The following GLIPR2 variants were observed in gnomAD, a reference collection of about 807,000 sequenced individuals.
GLIPR2 encodes Golgi-associated plant pathogenesis-related protein 1.
Under a neutral mutation model 20.4 loss-of-function variants are expected in GLIPR2, and 21 were observed. That is an observed-to-expected ratio of 1.03 (90% CI 0.73 to 1.48). The LOEUF (loss-of-function observed/expected upper bound fraction) is 1.48, where lower values mean the gene tolerates loss of function less well. Among genes scored for constraint, GLIPR2 ranks in the 40% most tolerant of loss-of-function variants. The pLI is 0.00. For missense variants in GLIPR2, 205 were observed against 200.1 expected (o/e 1.02, Z -0.15); for synonymous variants, 91 against 80.5 (o/e 1.13, Z -0.70).
At position 36,162,346 on chromosome 9, in the gene GLIPR2, G is replaced by A. The variant is rs768256904; in HGVS notation, c.305-16G>A. 6.2e-7 allele frequency: 1 copy of A among 1,605,458 alleles called. No individual in the cohort carries two copies. The highest frequency in any genetic ancestry group is 8.5e-7 in the Non-Finnish European group (1 of 1,174,772). Reference sequence around the variant, plus strand: ...AATTCAGCCGTGTCCCTCTCCCTCTGCCCGTTCCCCTACAGGACACTTCAC... The same window carrying A: ...AATTCAGCCGTGTCCCTCTCCCTCTACCCGTTCCCCTACAGGACACTTCAC... On this transcript the variant is annotated splice_polypyrimidine_tract_variant and intron_variant, in intron 4 of 4. Transcript: ENST00000377960.
At chr9:36,161,768 G>A (rs771453232) in intron 4 of GLIPR2, among the ~76,000 whole-genome samples, 1 of 152,224 alleles carries the variant, frequency 6.6e-6, no homozygotes, top group Non-Finnish European at 1.5e-5. Flanking sequence ...GACACAGGCA[G>A]TAGGCAGTAG....
intron 1 of GLIPR2, among the ~76,000 whole-genome samples, chr9:36,137,091 T>G (rs192065684): frequency 2.6e-5 from 4 of 152,294 alleles, no homozygotes; most frequent in Admixed American, 2.0e-4. Context: ...GAGGCCAGAC[T>G]TAGAGTTGGA....
At chr9:36,142,600 T>C (rs1413582089) in intron 1 of GLIPR2, among the ~76,000 whole-genome samples, 1 of 152,096 alleles carries the variant, frequency 6.6e-6, no homozygotes, top group African/African-American at 2.4e-5. Context: ...CCAGCCTCAG[T>C]TTACCCTCCT....
At chr9:36,137,434 C>A (rs1587121459) in intron 1 of GLIPR2, among the ~76,000 whole-genome samples, 1 of 152,174 alleles carries the variant, frequency 6.6e-6, no homozygotes, top group Non-Finnish European at 1.5e-5. Flanking sequence ...CTAGCCCTTA[C>A]CTCCGCCCTA....
At chr9:36,148,718 C>A (rs760097496) in intron 3 of GLIPR2, 68 bp downstream of exon 3, 5 of 1,044,330 alleles carry the variant, frequency 4.8e-6, no homozygotes, top group Non-Finnish European at 7.3e-6. Context: ...TCCTGAAATG[C>A]CTCCTGGCCC....
chr9:36,141,680 G>A (rs1254280388), intron 1 of GLIPR2, among the ~76,000 whole-genome samples: 2 of 152,100 alleles, frequency 1.3e-5, no homozygotes, highest in Non-Finnish European at 2.9e-5. Context: ...TTGAGTCAAG[G>A]TCTTGCTCTG....
chr9:36,141,431 C>A (rs1244321840), intron 1 of GLIPR2, among the ~76,000 whole-genome samples: 1 of 145,336 alleles, frequency 6.9e-6, no homozygotes, highest in Non-Finnish European at 1.5e-5. Flanking sequence ...AAGGCAGAAC[C>A]GGGCTGCTTT....
Position 36,151,095 on chromosome 9 carries a change from C to G in GLIPR2, c.304+146C>G. 5 of 656,626 alleles carry G rather than the reference C, an allele frequency of 7.6e-6. No individual in the cohort carries two copies. In the South Asian group the frequency reaches 8.4e-5, roughly 11 times the overall value. 40.7% of individuals were successfully genotyped at this position (656,626 alleles called of 1,614,324 possible). Reference sequence around the variant, plus strand: ...CCATATTTCTCTGGCTTGACCTTGACCACAGACCAAAGCTCTCCTTTCCGC... The same window carrying G: ...CCATATTTCTCTGGCTTGACCTTGAGCACAGACCAAAGCTCTCCTTTCCGC... On this transcript the variant is annotated intron_variant, in intron 4 of 4. Coordinates refer to ENST00000377960, the MANE Select transcript of GLIPR2 (RefSeq NM_022343.4).
chr9:36,136,825 T>C lies in GLIPR2; in HGVS notation c.13+34T>C. 1 of 1,279,756 alleles carries C rather than the reference T, an allele frequency of 7.8e-7. No individual in the cohort carries two copies. The highest frequency in any genetic ancestry group is 9.9e-7 in the Non-Finnish European group (1 of 1,014,058). The allele number at this position is 1,279,756 out of a possible 1,614,324, so 79.3% of individuals were successfully genotyped here. A position where few individuals can be genotyped will look rare whatever the true frequency, so the allele number is the denominator to read the frequency against. ...GCGGGCTCGCCCGCTGCGGAATGGT[T>C]CGGAACCCCGCGCTCCCGGACCTCG... On this transcript the variant is annotated intron_variant, in intron 1 of 4. Transcript: ENST00000377960. The surrounding 1 kb of genome is among the most constrained non-coding windows in gnomAD (Gnocchi z 4.3).
chr9:36,137,482 C>A (rs968921334), intron 1 of GLIPR2, among the ~76,000 whole-genome samples: 1 of 152,222 alleles, frequency 6.6e-6, no homozygotes, highest in Non-Finnish European at 1.5e-5. Flanking sequence ...CAGGTCCCTT[C>A]CCCTAGGTTT....
chr9:36,139,796 G>A (rs1016096236), intron 1 of GLIPR2, among the ~76,000 whole-genome samples: 5 of 152,130 alleles, frequency 3.3e-5, no homozygotes, highest in African/African-American at 7.2e-5. Context: ...CCTAGTGATC[G>A]AAGACTCCCA....
chr9:36,160,984 A>C (rs1190605373), intron 4 of GLIPR2, among the ~76,000 whole-genome samples: 1 of 152,132 alleles, frequency 6.6e-6, no homozygotes, highest in Non-Finnish European at 1.5e-5. Flanking sequence ...TGGAGGTTGC[A>C]GTGAGCTGAG....
chr9:36,140,552 A>G (rs1307186160), intron 1 of GLIPR2, among the ~76,000 whole-genome samples: 3 of 152,066 alleles, frequency 2.0e-5, no homozygotes, highest in Non-Finnish European at 4.4e-5. Flanking sequence ...GGGCTGGAAA[A>G]TGGCTGCCTC....
In GLIPR2 at chr9:36,162,677, G is replaced by C; in HGVS notation, c.*155G>C. 1 of 719,514 alleles carries C rather than the reference G, an allele frequency of 1.4e-6. No homozygotes were observed. The highest frequency in any genetic ancestry group is 2.4e-6 in the Non-Finnish European group (1 of 425,310). 44.6% of individuals were successfully genotyped at this position (719,514 alleles called of 1,614,324 possible). On this transcript the variant is annotated 3_prime_UTR_variant, in exon 5 of 5. Coordinates refer to ENST00000377960, the MANE Select transcript of GLIPR2 (RefSeq NM_022343.4). ...TCTGGCACACACACTTGGACATACAGTTCTGTGTGCGCTCATTCTTATTAC... is the reference window on the plus strand; with the variant it reads ...TCTGGCACACACACTTGGACATACACTTCTGTGTGCGCTCATTCTTATTAC...
In GLIPR2 at chr9:36,145,545, AG is replaced by A. The variant is rs567421318; in HGVS notation, c.14-2239del. ...AGAGAGCAGATGAACAGTTAAATGG[AG>A]GATAGATGGATGGACCTTGGATGAA... is the stretch of plus-strand genomic sequence containing the variant. On this transcript the variant is annotated intron_variant, in intron 1 of 4. Transcript: ENST00000377960. Among the ~76,000 whole-genome samples, 25 of 152,310 alleles carry A rather than the reference AG, an allele frequency of 1.6e-4. No homozygotes were observed. The East Asian group carries it at 4.4e-3, about 27-fold the overall frequency.
chr9:36,137,143 T>G (rs1005183485), intron 1 of GLIPR2, among the ~76,000 whole-genome samples: 2 of 152,104 alleles, frequency 1.3e-5, no homozygotes, highest in Non-Finnish European at 2.9e-5. Context: ...TGCGAAGCAG[T>G]TTGCCCCGCT....
intron 4 of GLIPR2, among the ~76,000 whole-genome samples, chr9:36,153,995 T>C (rs1825713163): frequency 6.6e-6 from 1 of 151,182 alleles, no homozygotes; most frequent in Admixed American, 6.6e-5. Context: ...CATCTTGTGA[T>C]GAAGGATGCT....
At position 36,141,251 on chromosome 9, in the gene GLIPR2, G is replaced by A. The variant is rs150666432; in HGVS notation, c.13+4460G>A. 6.4e-3 allele frequency among the ~76,000 whole-genome samples: 982 copies of A among 152,310 alleles called. 11 individuals are homozygous for A. Among genetic ancestry groups the A allele is most frequent in the Middle Eastern group, 0.014 (4 of 294 alleles). ...CAGAGTGTTGAAGCAACGTGTCCAA[G>A]ATCGCATGGCCAGTAAAAGGCAGTG... On this transcript the variant is annotated intron_variant, in intron 1 of 4. Transcript: ENST00000377960.
At chr9:36,154,706 G>A (rs1825754767) in intron 4 of GLIPR2, among the ~76,000 whole-genome samples, 1 of 152,154 alleles carries the variant, frequency 6.6e-6, no homozygotes, top group Non-Finnish European at 1.5e-5. Context: ...ATTCATCTCT[G>A]AATACCCATA....
Sources: gnomAD v4.1 joint callset for allele counts (sites outside exome capture counted in the v4.1 genomes callset) on GRCh38, gnomAD v4.1.1 for gene constraint, Gnocchi (gnomAD v3.1) non-coding constraint, MANE v1.5 for transcripts, NCBI Gene and HGNC (gene_info 2026-07-23, HGNC 2026-07-21) for gene names.